SDK1: variants seen among roughly 807,000 people sequenced by gnomAD.
The protein encoded by SDK1 is sidekick cell adhesion molecule 1, also known as protein sidekick-1.
In SDK1, 157 loss-of-function variants were observed where a neutral mutation model predicts 245.5. That is an observed-to-expected ratio of 0.64 (90% confidence interval 0.56 to 0.73). The LOEUF (loss-of-function observed/expected upper bound fraction) is 0.73, where lower values mean the gene tolerates loss of function less well. SDK1 is among the 30% of genes least tolerant of loss of function. SDK1 has a pLI of 0.00. For synonymous variants in SDK1, 1,647 were observed against 1,278.5 expected, an observed-to-expected ratio of 1.29 and a Z score of -6.15; for missense variants, 3,583 against 3,002.3, an observed-to-expected ratio of 1.19 and a Z score of -4.52.
At chr7:3,842,299 G>A (rs558760850) in intron 5 of SDK1, among the ~76,000 whole-genome samples, 49 of 152,134 alleles carry the variant, frequency 3.2e-4, no homozygotes, top group African/African-American at 6.8e-4. Context: ...CCTGCATCCC[G>A]GGAGATGATG....
chr7:3,625,405 T>C (rs1012121591), intron 2 of SDK1, among the ~76,000 whole-genome samples: 1 of 152,248 alleles, frequency 6.6e-6, no homozygotes, highest in African/African-American at 2.4e-5. Flanking sequence ...CAGACAGTTC[T>C]GTCTCTAATA....
intron 13 of SDK1, among the ~76,000 whole-genome samples, chr7:3,980,514 C>T (rs531862366): frequency 1.3e-5 from 2 of 152,242 alleles, no homozygotes; most frequent in East Asian, 1.9e-4. Context: ...AGTAATGCTT[C>T]GACGCAATCT....
chr7:3,735,018 T>C (rs1779280292), intron 4 of SDK1, among the ~76,000 whole-genome samples: 1 of 152,168 alleles, frequency 6.6e-6, no homozygotes, highest in Non-Finnish European at 1.5e-5. Flanking sequence ...AAGACCTCTG[T>C]AATTACAGAA....
At chr7:3,967,261 C>T in intron 9 of SDK1, 57 bp from the exon 10 acceptor site, 1 of 1,347,934 alleles carries the variant, frequency 7.4e-7, no homozygotes, top group South Asian at 1.2e-5. Context: ...CTCTGCCAGG[C>T]TGATGTGAGC....
intron 14 of SDK1, among the ~76,000 whole-genome samples, chr7:4,007,457 C>G (rs1785573845): frequency 6.6e-6 from 1 of 152,102 alleles, no homozygotes; most frequent in South Asian, 2.1e-4. Context: ...GAGGACAGAG[C>G]TGGATAGGGA....
At chr7:3,432,500 G>A (rs1779882955) in intron 1 of SDK1, among the ~76,000 whole-genome samples, 1 of 152,124 alleles carries the variant, frequency 6.6e-6, no homozygotes, top group Non-Finnish European at 1.5e-5. Context: ...TAATGTAGTA[G>A]GAAGAAATAG....
At chr7:3,858,101 T>C (rs887442564) in intron 5 of SDK1, among the ~76,000 whole-genome samples, 3 of 152,352 alleles carry the variant, frequency 2.0e-5, no homozygotes, top group East Asian at 1.9e-4. Context: ...GTTTAAACCA[T>C]AGTATATTCA....
At chr7:4,208,311 G>A (rs1784342949) in intron 37 of SDK1, 26 bp downstream of exon 37, 1 of 1,604,140 alleles carries the variant, frequency 6.2e-7, no homozygotes, top group Admixed American at 1.7e-5. Context: ...GTTTCCTTTG[G>A]GCAGGCCTCC....
In SDK1 at chr7:3,887,309, A is replaced by G. The variant is rs7806027; in HGVS notation, c.848-63614A>G. 7.9e-3 allele frequency among the ~76,000 whole-genome samples: 1,203 copies of G among 152,318 alleles called. 21 individuals are homozygous for G. Among genetic ancestry groups the G allele is most frequent in the African/African-American group, 0.027 (1,126 of 41,564 alleles). Reference sequence around the variant, plus strand: ...AAATGATAATGACATTTCTATTTCCATGTCATTAGCCAAAAAAAATGGCCC... The same window carrying G: ...AAATGATAATGACATTTCTATTTCCGTGTCATTAGCCAAAAAAAATGGCCC... On this transcript the variant is annotated intron_variant, in intron 5 of 44. Coordinates refer to ENST00000404826, the MANE Select transcript of SDK1 (RefSeq NM_152744.4).
intron 5 of SDK1, among the ~76,000 whole-genome samples, chr7:3,937,903 T>C (rs1583590097): frequency 1.3e-5 from 2 of 152,112 alleles, no homozygotes; most frequent in African/African-American, 4.8e-5. Flanking sequence ...AGTGACGTAA[T>C]CTCGGCTCAC....
chr7:3,340,304 A>C (rs1037171385), intron 1 of SDK1, among the ~76,000 whole-genome samples: 5 of 152,152 alleles, frequency 3.3e-5, no homozygotes, highest in African/African-American at 1.2e-4. Context: ...TAAAAGTTAC[A>C]TTTACTCTAT....
intron 20 of SDK1, among the ~76,000 whole-genome samples, chr7:4,075,331 T>A (rs975915521): frequency 6.6e-6 from 1 of 152,168 alleles, no homozygotes; most frequent in African/African-American, 2.4e-5. Flanking sequence ...TTTACGACAT[T>A]AAATTTTTTT....
chr7:3,862,740 C>A (rs1312767981), intron 5 of SDK1, among the ~76,000 whole-genome samples: 2 of 152,164 alleles, frequency 1.3e-5, no homozygotes, highest in East Asian at 3.9e-4. Context: ...TCTCTTAGTT[C>A]CATACTTCAG....
intron 4 of SDK1, among the ~76,000 whole-genome samples, chr7:3,679,653 C>G (rs935008512): frequency 3.3e-5 from 5 of 152,180 alleles, no homozygotes; most frequent in Non-Finnish European, 7.3e-5. Context: ...ATGAAAATAC[C>G]TTTGCCATCA....
At chr7:3,492,499 A>G (rs1781895059) in intron 1 of SDK1, among the ~76,000 whole-genome samples, 1 of 152,272 alleles carries the variant, frequency 6.6e-6, no homozygotes, top group Non-Finnish European at 1.5e-5. Context: ...GTCTCAAAAA[A>G]ATACAAAAAC....
At chr7:3,303,196 T>C (rs1449681698) in intron 1 of SDK1, among the ~76,000 whole-genome samples, 3 of 152,260 alleles carry the variant, frequency 2.0e-5, no homozygotes, top group Admixed American at 6.5e-5. Flanking sequence ...TTTTGCTTAA[T>C]GACTTACTCT....
At chr7:3,981,434 G>C (rs1240285350) in intron 13 of SDK1, among the ~76,000 whole-genome samples, 1 of 151,586 alleles carries the variant, frequency 6.6e-6, no homozygotes, top group Non-Finnish European at 1.5e-5. Flanking sequence ...GTGAAAGAGA[G>C]GGTTGTACGT....
chr7:3,762,473 T>C (rs139547580), intron 4 of SDK1, among the ~76,000 whole-genome samples: 239 of 152,330 alleles, frequency 1.6e-3, no homozygotes, highest in Non-Finnish European at 2.8e-3. Flanking sequence ...TAAACATGCA[T>C]GGTATTTTTG....
chr7:4,224,499 C>A (rs970612328), intron 40 of SDK1, among the ~76,000 whole-genome samples: 7 of 152,120 alleles, frequency 4.6e-5, no homozygotes, highest in Non-Finnish European at 1.0e-4. Flanking sequence ...CATGAGAAAC[C>A]CACTGCTGTG....
Sources: gnomAD v4.1 joint callset for allele counts (sites outside exome capture counted in the v4.1 genomes callset) on GRCh38, gnomAD v4.1.1 for gene constraint, MANE v1.5 for transcripts, NCBI Gene and HGNC (gene_info 2026-07-23, HGNC 2026-07-21) for gene names.